Variants in CCDC106 observed in about 807,000 individuals in gnomAD.
CCDC106 encodes coiled-coil domain containing 106, also known as coiled-coil domain-containing protein 106.
CCDC106 carries 17 observed loss-of-function variants against 24.7 expected under a neutral mutation model. The ratio of observed to expected loss-of-function variants is 0.69; its 90% CI spans 0.47 to 1.03. The LOEUF (loss-of-function observed/expected upper bound fraction) is 1.03. CCDC106 is among the 50% of genes least tolerant of loss of function. CCDC106 has a pLI of 0.00. For synonymous variants in CCDC106, 211 were observed against 161.3 expected (o/e 1.31, Z -2.34); for missense variants, 337 against 388.9 (o/e 0.87, Z 1.12).
At chr19:55,650,067 C>T (rs1018983889) in intron 3 of CCDC106, among the ~76,000 whole-genome samples, 2 of 152,102 alleles carry the variant, frequency 1.3e-5, no homozygotes, top group African/African-American at 4.8e-5. Flanking sequence ...CCCCTCCCCT[C>T]TGTGACACCA....
rs1326307347 is a variant in CCDC106 at position 55,652,914 on chromosome 19, T to A, written c.*168T>A. ...ACGGCCCCGGACCGGCCGCGGCCCC[T>A]TCCCGAACGCCGGCACCCCCTTCCG... On this transcript the variant is annotated 3_prime_UTR_variant, in exon 5 of 5. Coordinates refer to ENST00000586790, the MANE Select transcript of CCDC106 (RefSeq NM_001370470.1). This position sits in a 1 kb window ranked among gnomAD's most constrained non-coding sequence, Gnocchi z 5.9. The A allele has an allele frequency of 1.6e-6, 1 of 608,360 alleles. No homozygotes were observed. The highest frequency in any genetic ancestry group is 2.8e-6 in the Non-Finnish European group (1 of 352,406). The allele number at this position is 608,360 out of a possible 1,614,324, so 37.7% of individuals were successfully genotyped here.
chr19:55,652,691 A>C lies in CCDC106; in HGVS notation c.788A>C (p.Gln263Pro), dbSNP rs1408849768. ...ALDDETLKKV[Q>P]ALKKSKLLLP... ...GACGACGAGACGCTCAAGAAGGTGCAGGCGCTCAAGAAGAGCAAGCTGCTG... is the reference window on the plus strand; with the variant it reads ...GACGACGAGACGCTCAAGAAGGTGCCGGCGCTCAAGAAGAGCAAGCTGCTG... Residue 263 changes from glutamine (Q) to proline (P), a missense_variant, in exon 5 of 5, where the codon CAG becomes CCG. Gln to Pro is a moderately conservative substitution (Grantham distance 76, BLOSUM62 -1). Transcript: ENST00000586790. The surrounding 1 kb of genome is among the most constrained non-coding windows in gnomAD (Gnocchi z 5.9). The C allele has an allele frequency of 1.2e-6, 2 of 1,612,752 alleles. No individual in the cohort carries two copies. The highest frequency in any genetic ancestry group is 8.5e-7 in the Non-Finnish European group (1 of 1,179,900).
Position 55,652,039 on chromosome 19 carries a change from T to C in CCDC106, c.527-391T>C, listed in dbSNP as rs1436022819. Among the ~76,000 whole-genome samples, 2 of 151,876 alleles carry C rather than the reference T, an allele frequency of 1.3e-5. No homozygotes were observed. Among genetic ancestry groups the C allele is most frequent in the Non-Finnish European group, 2.9e-5 (2 of 67,950 alleles). On this transcript the variant is annotated intron_variant, in intron 4 of 4. Transcript: ENST00000586790. This position sits in a 1 kb window ranked among gnomAD's most constrained non-coding sequence, Gnocchi z 5.9. The stretch of plus-strand genomic sequence containing the variant: ...TGGGCACCTCCTTAACTTTCATCAG[T>C]AAGGAGGAGGTGCGCAGTAGGACCT...
intron 3 of CCDC106, 65 bp from the exon 4 acceptor site, chr19:55,651,218 C>G (rs1332613895): frequency 7.9e-7 from 1 of 1,266,664 alleles, no homozygotes; most frequent in African/African-American, 1.5e-5. Flanking sequence ...CAGCCTCTCT[C>G]AGTCCCGGGA....
In CCDC106 at chr19:55,648,333, G is replaced by A. The variant is rs1600054802; in HGVS notation, c.-714G>A. ...GGACCCCGGGCACCCGCGGGCGGGG[G>A]ATGGTGGCCGCGTTTGCACCCCCGC... is the stretch of plus-strand genomic sequence containing the variant. On this transcript the variant is annotated 5_prime_UTR_variant, in exon 1 of 5. Coordinates refer to ENST00000586790, the MANE Select transcript of CCDC106 (RefSeq NM_001370470.1). The A allele has an allele frequency of 6.6e-6, 1 of 152,116 alleles. No individual in the cohort carries two copies. The highest frequency in any genetic ancestry group is 6.5e-5 in the Admixed American group (1 of 15,282). 9.4% of individuals were successfully genotyped at this position (152,116 alleles called of 1,614,324 possible). A position where few individuals can be genotyped will look rare whatever the true frequency, so the allele number is the denominator to read the frequency against.
chr19:55,653,033 C>A lies in CCDC106; in HGVS notation c.*287C>A, dbSNP rs1385827849. 7.9e-6 allele frequency: 3 copies of A among 381,202 alleles called. No individual in the cohort carries two copies. Among genetic ancestry groups the A allele is most frequent in the Non-Finnish European group, 9.5e-6 (2 of 211,244 alleles). The allele number at this position is 381,202 out of a possible 1,614,324, so 23.6% of individuals were successfully genotyped here. ...CCCTCGAGTGGGGGACTGTACAGAC[C>A]CCGTCTCCGCCCTGGCCCCGCGGAG... is the stretch of plus-strand genomic sequence containing the variant. On this transcript the variant is annotated 3_prime_UTR_variant, in exon 5 of 5. Coordinates refer to ENST00000586790, the MANE Select transcript of CCDC106 (RefSeq NM_001370470.1).
Position 55,652,877 on chromosome 19 carries a change from C to G in CCDC106, c.*131C>G, listed in dbSNP as rs1319960513. ...TGGGTTGGGGGCTCCCTTAGCCGGG[C>G]CCCCAAGCGCGACGGCCCCGGACCG... On this transcript the variant is annotated 3_prime_UTR_variant, in exon 5 of 5. Transcript: ENST00000586790. This position sits in a 1 kb window ranked among gnomAD's most constrained non-coding sequence, Gnocchi z 5.9. 1 of 814,334 alleles carries G rather than the reference C, an allele frequency of 1.2e-6. No individual in the cohort carries two copies. The highest frequency in any genetic ancestry group is 2.9e-5 in the Admixed American group (1 of 34,466). 50.4% of individuals were successfully genotyped at this position (814,334 alleles called of 1,614,324 possible). A position where few individuals can be genotyped will look rare whatever the true frequency, so the allele number is the denominator to read the frequency against.
intron 4 of CCDC106, among the ~76,000 whole-genome samples, chr19:55,651,954 G>A (rs1018306865): frequency 5.9e-5 from 9 of 152,100 alleles, no homozygotes; most frequent in South Asian, 2.1e-4. Context: ...GAGCCACCGC[G>A]CATGGCCTGT....
intron 1 of CCDC106, 55 bp downstream of exon 1, chr19:55,649,132 G>A: frequency 6.2e-7 from 1 of 1,612,350 alleles, no homozygotes. Context: ...TCGGCTCCAG[G>A]CTGCCGTGGT....
At position 55,653,044 on chromosome 19, in the gene CCDC106, C is replaced by T. The variant is rs1983450686; in HGVS notation, c.*298C>T. The T allele has an allele frequency of 5.7e-6, 2 of 349,614 alleles. No individual in the cohort carries two copies. Among genetic ancestry groups the T allele is most frequent in the Admixed American group, 4.8e-5 (1 of 21,002 alleles). 21.7% of individuals were successfully genotyped at this position (349,614 alleles called of 1,614,324 possible). ...GGGACTGTACAGACCCCGTCTCCGCCCTGGCCCCGCGGAGGAGCTGCCCAC... is the reference window on the plus strand; with the variant it reads ...GGGACTGTACAGACCCCGTCTCCGCTCTGGCCCCGCGGAGGAGCTGCCCAC... On this transcript the variant is annotated 3_prime_UTR_variant, in exon 5 of 5. Transcript: ENST00000586790.
At position 55,648,630 on chromosome 19, in the gene CCDC106, C is replaced by A; in HGVS notation, c.-417C>A. On this transcript the variant is annotated 5_prime_UTR_variant, in exon 1 of 5. Coordinates refer to ENST00000586790, the MANE Select transcript of CCDC106 (RefSeq NM_001370470.1). ...CAGTTTCCCCCTGCACCTGCCTCTT[C>A]CTTAGGCCTGGCAGTGGCCCGCGAT... The A allele has an allele frequency of 4.3e-6, 1 of 231,762 alleles. No homozygotes were observed. Among genetic ancestry groups the A allele is most frequent in the Non-Finnish European group, 8.5e-6 (1 of 117,072 alleles). The allele number at this position is 231,762 out of a possible 1,614,324, so 14.4% of individuals were successfully genotyped here.
At position 55,653,113 on chromosome 19, in the gene CCDC106, A is replaced by G. The variant is rs903864791; in HGVS notation, c.*367A>G. 8.5e-5 allele frequency: 16 copies of G among 188,286 alleles called. No homozygotes were observed. The highest frequency in any genetic ancestry group is 1.9e-3 in the Middle Eastern group (1 of 532). The allele number at this position is 188,286 out of a possible 1,614,324, so 11.7% of individuals were successfully genotyped here. On this transcript the variant is annotated 3_prime_UTR_variant, in exon 5 of 5. Transcript: ENST00000586790. ...TCCCCAACTCCGCGTGAGACAGAGA[A>G]TTATTCAGATAATTTAAATTAAAAA...
At position 55,652,137 on chromosome 19, in the gene CCDC106, TGTCGGGGG is replaced by T. The variant is rs1000130663; in HGVS notation, c.527-290_527-283del. ...GGGAGACGAGGGTGATGGCTCGGGG[TGTCGGGGG>T]GTGCTGGGACCGCGTGGGTTGAACC... On this transcript the variant is annotated intron_variant, in intron 4 of 4. Coordinates refer to ENST00000586790, the MANE Select transcript of CCDC106 (RefSeq NM_001370470.1). The surrounding 1 kb of genome is among the most constrained non-coding windows in gnomAD (Gnocchi z 5.9). Among the ~76,000 whole-genome samples the T allele has an allele frequency of 1.3e-5, 2 of 151,572 alleles. No individual in the cohort carries two copies. The highest frequency in any genetic ancestry group is 2.9e-5 in the Non-Finnish European group (2 of 67,852).
chr19:55,648,634 A>C lies in CCDC106; in HGVS notation c.-413A>C. ...TTCCCCCTGCACCTGCCTCTTCCTT[A>C]GGCCTGGCAGTGGCCCGCGATGAGA... On this transcript the variant is annotated 5_prime_UTR_variant, in exon 1 of 5. Transcript: ENST00000586790. 4.4e-6 allele frequency: 1 copy of C among 229,070 alleles called. No individual in the cohort carries two copies. The highest frequency in any genetic ancestry group is 5.1e-5 in the Admixed American group (1 of 19,528). The allele number at this position is 229,070 out of a possible 1,614,324, so 14.2% of individuals were successfully genotyped here. A position where few individuals can be genotyped will look rare whatever the true frequency, so the allele number is the denominator to read the frequency against.
At chr19:55,650,003 G>A (rs761976853) in intron 3 of CCDC106, among the ~76,000 whole-genome samples, 2 of 151,954 alleles carry the variant, frequency 1.3e-5, no homozygotes, top group Non-Finnish European at 2.9e-5. Flanking sequence ...TCCTCCTCCC[G>A]TCCCTGTCTT....
rs1308797799 is a variant in CCDC106, at chr19:55,648,257, CG to C, written c.-789del. ...CATGGGCGCCGCCGCCGTCGGTCCC[CG>C]AGCCGGATTCCGCGAGCGGGTGGGT... On this transcript the variant is annotated 5_prime_UTR_variant, in exon 1 of 5. An upstream open reading frame in the 5' UTR gains an earlier in-frame stop. Coordinates refer to ENST00000586790, the MANE Select transcript of CCDC106 (RefSeq NM_001370470.1). 6.6e-6 allele frequency: 1 copy of C among 152,158 alleles called. No individual in the cohort carries two copies. The highest frequency in any genetic ancestry group is 2.4e-5 in the African/African-American group (1 of 41,466). The allele number at this position is 152,158 out of a possible 1,614,324, so 9.4% of individuals were successfully genotyped here.
At chr19:55,648,055 C>T (rs1449295726), upstream of CCDC106, 2 of 152,258 alleles carry the variant, frequency 1.3e-5, no homozygotes, top group Non-Finnish European at 1.5e-5. Context: ...CTCACCTGGA[C>T]CCGGGGACTC....
Position 55,652,339 on chromosome 19 carries a change from C to CT in CCDC106, c.527-88dup. ...GCCCGTGCCTCTGCTCGCCGAGATC[C>CT]TTTCTTCCCATGGCCGTTTCCCTTC... On this transcript the variant is annotated intron_variant, in intron 4 of 4. Coordinates refer to ENST00000586790, the MANE Select transcript of CCDC106 (RefSeq NM_001370470.1). This position sits in a 1 kb window ranked among gnomAD's most constrained non-coding sequence, Gnocchi z 5.9. 1 of 1,191,656 alleles carries CT rather than the reference C, an allele frequency of 8.4e-7. No homozygotes were observed. Among genetic ancestry groups the CT allele is most frequent in the Non-Finnish European group, 1.2e-6 (1 of 837,832 alleles). 73.8% of individuals were successfully genotyped at this position (1,191,656 alleles called of 1,614,324 possible).
chr19:55,647,714 C>T (rs1414175622), upstream of CCDC106, among the ~76,000 whole-genome samples: 1 of 152,152 alleles, frequency 6.6e-6, no homozygotes, highest in Non-Finnish European at 1.5e-5. Context: ...GGGGTAACTC[C>T]CCCGATTTTG....
Sources: allele counts gnomAD v4.1 joint callset (sites outside exome capture counted in the v4.1 genomes callset), GRCh38; gene constraint gnomAD v4.1.1; non-coding constraint Gnocchi (gnomAD v3.1); transcripts MANE v1.5; gene names NCBI Gene and HGNC (gene_info 2026-07-23, HGNC 2026-07-21).